The following GAL3ST2 variants were observed in gnomAD, a reference collection of about 807,000 sequenced individuals.
GAL3ST2 encodes the protein galactose-3-O-sulfotransferase 2.
GAL3ST2 carries 16 observed loss-of-function variants against 12.9 expected under a neutral mutation model. The ratio of observed to expected loss-of-function variants is 1.24; its 90% CI spans 0.84 to 1.88. The LOEUF is 1.88. Among genes scored for constraint, GAL3ST2 ranks in the 40% most tolerant of loss-of-function variants. The pLI, the probability that GAL3ST2 is intolerant of heterozygous loss-of-function variation, is 0.00. For synonymous variants in GAL3ST2, 302 were observed against 273.9 expected (o/e 1.10, Z -1.01); for missense variants, 639 against 571.8 (o/e 1.12, Z -1.20).
At position 241,801,450 on chromosome 2, in the gene GAL3ST2, A is replaced by C; in HGVS notation, c.120-331A>C. The C allele has an allele frequency of 2.1e-5, 8 of 383,208 alleles. No individual in the cohort carries two copies. The highest frequency in any genetic ancestry group is 2.9e-5 in the Non-Finnish European group (6 of 209,978). The allele number at this position is 383,208 out of a possible 1,614,324, so 23.7% of individuals were successfully genotyped here. A position where few individuals can be genotyped will look rare whatever the true frequency, so the allele number is the denominator to read the frequency against. ...TACCTCCCATCCCATCACTGCTGGG[A>C]ACTCAGTTTTAAGGTGGGTCTGGGG... On this transcript the variant is annotated intron_variant, in intron 2 of 3. Coordinates refer to ENST00000192314, the MANE Select transcript of GAL3ST2 (RefSeq NM_022134.3). This position sits in a 1 kb window ranked among gnomAD's most constrained non-coding sequence, Gnocchi z 4.4.
chr2:241,803,197 C>A, intron 3 of GAL3ST2, 148 bp from the exon 4 acceptor site: 2 of 651,040 alleles, frequency 3.1e-6, no homozygotes, highest in Non-Finnish European at 5.1e-6. Flanking sequence ...AGCTGCCGCA[C>A]GAGAAGGCGC....
intron 1 of GAL3ST2, among the ~76,000 whole-genome samples, chr2:241,786,139 T>TTGTGTGTGTGTGTGTGTGTG (rs141438054): frequency 1.4e-5 from 2 of 145,856 alleles, no homozygotes; most frequent in South Asian, 4.4e-4. Flanking sequence ...CACACACCTT[T>TTGTGTGTGTGTGTGTGTGTG]TGTGTGTGTG....
intron 1 of GAL3ST2, among the ~76,000 whole-genome samples, chr2:241,789,518 T>C (rs1362486943): frequency 6.6e-6 from 1 of 152,228 alleles, no homozygotes; most frequent in Non-Finnish European, 1.5e-5. Context: ...TGCCTTAGGG[T>C]TGTGAAACAG....
rs1254776655 is a variant in GAL3ST2, at chr2:241,801,655, T to A, written c.120-126T>A. 7.7e-7 allele frequency: 1 copy of A among 1,306,066 alleles called. No homozygotes were observed. The highest frequency in any genetic ancestry group is 1.5e-5 in the African/African-American group (1 of 64,724). The allele number at this position is 1,306,066 out of a possible 1,614,324, so 80.9% of individuals were successfully genotyped here. Reference sequence around the variant, plus strand: ...GTCGGTGCCTACCCAGTTGGCCCCCTGGCCTAGAGTTGGGGGGCTCAGGTT... The same window carrying A: ...GTCGGTGCCTACCCAGTTGGCCCCCAGGCCTAGAGTTGGGGGGCTCAGGTT... On this transcript the variant is annotated intron_variant, in intron 2 of 3. Transcript: ENST00000192314. This position sits in a 1 kb window ranked among gnomAD's most constrained non-coding sequence, Gnocchi z 4.4.
At position 241,796,245 on chromosome 2, in the gene GAL3ST2, C is replaced by T. The variant is rs116831434; in HGVS notation, c.30-2820C>T. On this transcript the variant is annotated intron_variant, in intron 1 of 3. Transcript: ENST00000192314. ...TATGTGTAGCTCTGAGCTCTGACTA[C>T]GGAGAAGGCCCAGACATATGACCTT... Among the ~76,000 whole-genome samples the T allele has an allele frequency of 6.2e-3, 937 of 152,208 alleles. 13 individuals carry two copies. Among genetic ancestry groups the T allele is most frequent in the African/African-American group, 0.022 (900 of 41,522 alleles).
chr2:241,779,163 C>A (rs1411492431), intron 1 of GAL3ST2, among the ~76,000 whole-genome samples: 1 of 142,454 alleles, frequency 7.0e-6, no homozygotes, highest in East Asian at 2.1e-4. Context: ...TCTCTCATGG[C>A]TAGGATAGTT....
At chr2:241,789,459 CTGAGT>C (rs1352176723) in intron 1 of GAL3ST2, among the ~76,000 whole-genome samples, 1 of 152,194 alleles carries the variant, frequency 6.6e-6, no homozygotes, top group African/African-American at 2.4e-5. Flanking sequence ...TGATTTTCAC[CTGAGT>C]TATTTCCTTT....
Position 241,800,173 on chromosome 2 carries a change from T to G in GAL3ST2, c.119+1019T>G, listed in dbSNP as rs1009413805. Among the ~76,000 whole-genome samples, 1 of 152,050 alleles carries G rather than the reference T, an allele frequency of 6.6e-6. No homozygotes were observed. The highest frequency in any genetic ancestry group is 1.9e-4 in the East Asian group (1 of 5,160). ...GAGGCTGGGGCTGAGGGTCTCTAGG[T>G]TGGGGTGCAGTGATGGGTCTGGTGG... On this transcript the variant is annotated intron_variant, in intron 2 of 3. Transcript: ENST00000192314. The surrounding 1 kb of genome is among the most constrained non-coding windows in gnomAD (Gnocchi z 5.2).
chr2:241,791,631 C>T (rs553150759), intron 1 of GAL3ST2, among the ~76,000 whole-genome samples: 4 of 152,218 alleles, frequency 2.6e-5, no homozygotes, highest in African/African-American at 9.6e-5. Flanking sequence ...TGGCTGGGCT[C>T]GGCTTTAAAA....
At chr2:241,797,111 C>A (rs938045419) in intron 1 of GAL3ST2, among the ~76,000 whole-genome samples, 1 of 152,222 alleles carries the variant, frequency 6.6e-6, no homozygotes, top group South Asian at 2.1e-4. Flanking sequence ...CTCCCACTTC[C>A]GCCTCCCAAA....
intron 1 of GAL3ST2, among the ~76,000 whole-genome samples, chr2:241,786,139 T>TGTGTGTGTGTGTGTGTGTGTGTG (rs1553615798): frequency 1.9e-4 from 28 of 145,952 alleles, no homozygotes; most frequent in Admixed American, 1.8e-3. Context: ...CACACACCTT[T>TGTGTGTGTGTGTGTGTGTGTGTG]TGTGTGTGTG....
chr2:241,789,463 G>A (rs546422591), intron 1 of GAL3ST2, among the ~76,000 whole-genome samples: 1 of 152,338 alleles, frequency 6.6e-6, no homozygotes, highest in South Asian at 2.1e-4. Flanking sequence ...TTTCACCTGA[G>A]TTATTTCCTT....
In GAL3ST2 at chr2:241,801,919, C is replaced by T. The variant is rs745534053; in HGVS notation, c.258C>T (p.Ala86=). The T allele has an allele frequency of 1.9e-6, 3 of 1,612,998 alleles. No homozygotes were observed. The highest frequency in any genetic ancestry group is 2.2e-5 in the East Asian group (1 of 44,868). ...ETHNLSVALP[A]GSRVHLGYPW... The stretch of plus-strand genomic sequence containing the variant: ...ACAACCTGTCCGTGGCGCTGCCCGC[C>T]GGCTCACGCGTCCACCTGGGCTACC... Residue 86 remains alanine (A), a synonymous_variant, in exon 3 of 4, where the codon GCC becomes GCT. Transcript: ENST00000192314. The surrounding 1 kb of genome is among the most constrained non-coding windows in gnomAD (Gnocchi z 4.4).
Position 241,804,009 on chromosome 2 carries a change from C to T in GAL3ST2, c.1040C>T (p.Ala347Val), listed in dbSNP as rs145527407. Residue 347 changes from alanine to valine, a missense_variant, in exon 4 of 4, where the codon GCC (alanine) becomes GTC (valine). Ala to Val is a moderately conservative substitution (Grantham distance 64, BLOSUM62 0). Transcript: ENST00000192314. ...PRLRPYQSGK[A>V]DILGYNLRPG... ...CTGCGCCCCTACCAGTCCGGCAAGG[C>T]CGACATCCTGGGTTACAACCTCCGG... 2.8e-4 allele frequency: 442 copies of T among 1,567,806 alleles called. No homozygotes were observed. Among genetic ancestry groups the T allele is most frequent in the Non-Finnish European group, 3.5e-4 (408 of 1,159,628 alleles).
Position 241,793,769 on chromosome 2 carries a change from T to A in GAL3ST2, c.30-5296T>A, listed in dbSNP as rs759769901. 8.6e-5 allele frequency among the ~76,000 whole-genome samples: 13 copies of A among 151,722 alleles called. No homozygotes were observed. The highest frequency in any genetic ancestry group is 1.8e-4 in the Non-Finnish European group (12 of 67,904). ...GTGTGTGTGTATTGTGTATGTGTAG[T>A]GTGTATTATTTGTGTGTGTGTGTAT... is the stretch of plus-strand genomic sequence containing the variant. On this transcript the variant is annotated intron_variant, in intron 1 of 3. Coordinates refer to ENST00000192314, the MANE Select transcript of GAL3ST2 (RefSeq NM_022134.3). This position sits in a 1 kb window ranked among gnomAD's most constrained non-coding sequence, Gnocchi z 4.7.
At chr2:241,789,366 T>A (rs1699669563) in intron 1 of GAL3ST2, among the ~76,000 whole-genome samples, 1 of 152,226 alleles carries the variant, frequency 6.6e-6, no homozygotes, top group South Asian at 2.1e-4. Context: ...AATTTTATGT[T>A]CAATTGGCAA....
Position 241,803,845 on chromosome 2 carries a change from G to A in GAL3ST2, c.876G>A (p.Ala292=). The A allele has an allele frequency of 2.1e-6, 3 of 1,462,168 alleles. No homozygotes were observed. The highest frequency in any genetic ancestry group is 2.7e-6 in the Non-Finnish European group (3 of 1,116,272). The allele number at this position is 1,462,168 out of a possible 1,614,324, so 90.6% of individuals were successfully genotyped here. A position where few individuals can be genotyped will look rare whatever the true frequency, so the allele number is the denominator to read the frequency against. Residue 292 remains alanine, a synonymous_variant, in exon 4 of 4, where the codon GCG becomes GCA. Coordinates refer to ENST00000192314, the MANE Select transcript of GAL3ST2 (RefSeq NM_022134.3). ...LYEHFNRTLW[A]QLRAELGPRR... The stretch of plus-strand genomic sequence containing the variant: ...AGCATTTCAACCGCACCCTCTGGGC[G>A]CAGCTGCGCGCCGAGCTGGGGCCGC...
rs1035640562 is a variant in GAL3ST2 at position 241,793,479 on chromosome 2, T to C, written c.30-5586T>C. ...ATGCGTGTGTATGTGTATGCATGTG[T>C]ATTATATGTACATATTGTGTATGTG... On this transcript the variant is annotated intron_variant, in intron 1 of 3. Coordinates refer to ENST00000192314, the MANE Select transcript of GAL3ST2 (RefSeq NM_022134.3). This position sits in a 1 kb window ranked among gnomAD's most constrained non-coding sequence, Gnocchi z 4.7. Among the ~76,000 whole-genome samples, 2 of 152,108 alleles carry C rather than the reference T, an allele frequency of 1.3e-5. No individual in the cohort carries two copies. Among genetic ancestry groups the C allele is most frequent in the Non-Finnish European group, 2.9e-5 (2 of 68,002 alleles).
intron 1 of GAL3ST2, among the ~76,000 whole-genome samples, chr2:241,796,792 G>A (rs1432062007): frequency 6.6e-6 from 1 of 152,152 alleles, no homozygotes; most frequent in Non-Finnish European, 1.5e-5. Context: ...CCCGTGGGGG[G>A]CTGGGCTGTT....
Sources: gnomAD v4.1 joint callset for allele counts (sites outside exome capture counted in the v4.1 genomes callset) on GRCh38, gnomAD v4.1.1 for gene constraint, Gnocchi (gnomAD v3.1) non-coding constraint, MANE v1.5 for transcripts, NCBI Gene and HGNC (gene_info 2026-07-23, HGNC 2026-07-21) for gene names.